The following FAR2 variants were observed in gnomAD, a reference collection of about 807,000 sequenced individuals.
FAR2 encodes the protein fatty acyl-CoA reductase 2.
A neutral mutation model predicts 56.0 loss-of-function variants in FAR2; 19 were observed. The ratio of observed to expected loss-of-function variants is 0.34; its 90% CI spans 0.24 to 0.50. The LOEUF is 0.50. FAR2 is among the 20% of genes least tolerant of loss of function. The pLI is 0.98. For missense variants in FAR2, 508 were observed against 642.2 expected, an observed-to-expected ratio of 0.79 and a Z score of 2.26; for synonymous variants, 219 against 218.8, an observed-to-expected ratio of 1.00 and a Z score of -0.01.
chr12:29,330,334 G>T (rs1167288459), intron 10 of FAR2, among the ~76,000 whole-genome samples: 1 of 152,178 alleles, frequency 6.6e-6, no homozygotes, highest in African/African-American at 2.4e-5. Context: ...TGAGATTACA[G>T]GCATGAGCCA....
rs1486545642 is a variant in FAR2 at position 29,272,360 on chromosome 12, G to T, written c.189+1722G>T. Among the ~76,000 whole-genome samples the T allele has an allele frequency of 2.6e-5, 4 of 151,892 alleles. No homozygotes were observed. The East Asian group carries it at 7.7e-4, about 29-fold the overall frequency. ...CATTCCTTTTTCTCTATTCTTGTCG[G>T]CATCTTATTTCAGTAAGGTGGTCTT... On this transcript the variant is annotated intron_variant, in intron 2 of 11. Coordinates refer to ENST00000536681, the MANE Select transcript of FAR2 (RefSeq NM_001271783.2).
At chr12:29,154,623 C>T (rs1330233606) in intron 1 of FAR2, among the ~76,000 whole-genome samples, 9 of 151,912 alleles carry the variant, frequency 5.9e-5, no homozygotes, top group African/African-American at 7.3e-5. Context: ...TTAGTAGAGA[C>T]GGGGTTTCAC....
At position 29,321,827 on chromosome 12, in the gene FAR2, C is replaced by A; in HGVS notation, c.1160C>A (p.Thr387Asn). ...MTKLMNRLLRTVSMLEYFINR... is the reference protein window; with the variant it reads ...MTKLMNRLLRNVSMLEYFINR... The stretch of plus-strand genomic sequence containing the variant: ...AAGCTCATGAATCGGCTTTTAAGAA[C>A]TGTTTCCATGTTGGAGTATTTCATC... The change falls in exon 10 of 12, where the codon ACT becomes AAT. Residue 387 changes from threonine (T) to asparagine (N), a missense_variant. Coordinates refer to ENST00000536681, the MANE Select transcript of FAR2 (RefSeq NM_001271783.2). 5 of 1,613,696 alleles carry A rather than the reference C, an allele frequency of 3.1e-6. No homozygotes were observed. The highest frequency in any genetic ancestry group is 4.2e-6 in the Non-Finnish European group (5 of 1,179,726).
At chr12:29,318,678 G>A (rs946211241) in intron 9 of FAR2, among the ~76,000 whole-genome samples, 2 of 152,164 alleles carry the variant, frequency 1.3e-5, no homozygotes, top group African/African-American at 4.8e-5. Flanking sequence ...TTTGCAGTAG[G>A]GGGGTATGTG....
chr12:29,296,931 A>T, intron 3 of FAR2, 90 bp from the exon 4 acceptor site: 1 of 1,233,606 alleles, frequency 8.1e-7, no homozygotes, highest in Non-Finnish European at 1.1e-6. Flanking sequence ...AAAATCTGAT[A>T]GGTATGCCAG....
chr12:29,314,729 G>A (rs1362317017), intron 8 of FAR2, among the ~76,000 whole-genome samples: 2 of 151,878 alleles, frequency 1.3e-5, no homozygotes, highest in African/African-American at 4.8e-5. Flanking sequence ...ATCATAAACT[G>A]TCCACACCTC....
At chr12:29,162,629 A>G (rs1178069889) in intron 1 of FAR2, among the ~76,000 whole-genome samples, 1 of 152,238 alleles carries the variant, frequency 6.6e-6, no homozygotes. Context: ...GATCCTAGAC[A>G]TAAGGGTTAT....
intron 1 of FAR2, among the ~76,000 whole-genome samples, chr12:29,226,856 T>C (rs1947776807): frequency 6.6e-6 from 1 of 152,118 alleles, no homozygotes; most frequent in South Asian, 2.1e-4. Context: ...TGTAATGGTA[T>C]TACACAAAAA....
At chr12:29,185,129 C>T (rs1173665237) in intron 1 of FAR2, among the ~76,000 whole-genome samples, 3 of 151,836 alleles carry the variant, frequency 2.0e-5, no homozygotes, top group African/African-American at 7.3e-5. Context: ...AATTCTCTGC[C>T]CTATTCTAAT....
intron 1 of FAR2, among the ~76,000 whole-genome samples, chr12:29,220,430 C>T (rs1947672407): frequency 6.6e-6 from 1 of 152,112 alleles, no homozygotes; most frequent in African/African-American, 2.4e-5. Flanking sequence ...GGAATTTGTG[C>T]TCTTAAATGA....
At chr12:29,182,618 C>A (rs1565684388) in intron 1 of FAR2, among the ~76,000 whole-genome samples, 1 of 152,172 alleles carries the variant, frequency 6.6e-6, no homozygotes, top group African/African-American at 2.4e-5. Flanking sequence ...CTGGCTTCAC[C>A]TCTCACTATC....
intron 1 of FAR2, among the ~76,000 whole-genome samples, chr12:29,209,254 T>C (rs1947514455): frequency 6.6e-6 from 1 of 152,192 alleles, no homozygotes; most frequent in African/African-American, 2.4e-5. Flanking sequence ...TCAGCAGTTA[T>C]TGCCTTTAGA....
chr12:29,295,245 T>G (rs756577248), intron 3 of FAR2, among the ~76,000 whole-genome samples: 45 of 152,146 alleles, frequency 3.0e-4, no homozygotes, highest in Non-Finnish European at 5.1e-4. Context: ...AGCTAATTTT[T>G]GTATTTTTGG....
At chr12:29,275,502 G>A (rs1948695343) in intron 2 of FAR2, among the ~76,000 whole-genome samples, 1 of 152,076 alleles carries the variant, frequency 6.6e-6, no homozygotes, top group Non-Finnish European at 1.5e-5. Flanking sequence ...TGGGTCAAAT[G>A]GTATTTCTAG....
At chr12:29,215,822 T>C (rs1285712213) in intron 1 of FAR2, among the ~76,000 whole-genome samples, 2 of 152,038 alleles carry the variant, frequency 1.3e-5, no homozygotes, top group African/African-American at 4.8e-5. Context: ...GAATATGTGA[T>C]ATGCACAAAT....
rs1193685169 is a variant in FAR2 at position 29,155,829 on chromosome 12, C to A, written c.-39+6422C>A. Among the ~76,000 whole-genome samples, 4 of 152,090 alleles carry A rather than the reference C, an allele frequency of 2.6e-5. No homozygotes were observed. In the East Asian group the frequency reaches 7.7e-4, roughly 29 times the overall value. On this transcript the variant is annotated intron_variant, in intron 1 of 11. Coordinates refer to ENST00000536681, the MANE Select transcript of FAR2 (RefSeq NM_001271783.2). ...GTCCTTTACAGAAAATGTTTGTTGA[C>A]CCCTGCTCTAAGGCTATGAAACTCA... is the stretch of plus-strand genomic sequence containing the variant.
chr12:29,175,480 T>C (rs1949929244), intron 1 of FAR2, among the ~76,000 whole-genome samples: 1 of 152,222 alleles, frequency 6.6e-6, no homozygotes, highest in African/African-American at 2.4e-5. Context: ...CAAGATTTAT[T>C]GTGAAGAGCT....
chr12:29,225,881 G>A (rs1271171176), intron 1 of FAR2, among the ~76,000 whole-genome samples: 1 of 152,208 alleles, frequency 6.6e-6, no homozygotes, highest in Non-Finnish European at 1.5e-5. Context: ...ATGTGAAGGT[G>A]AAAGTGCATG....
In FAR2 at chr12:29,309,170, ATCT is replaced by A. The variant is rs769030830; in HGVS notation, c.724-11_724-9del. The A allele has an allele frequency of 1.3e-5, 21 of 1,579,902 alleles. No individual in the cohort carries two copies. The highest frequency in any genetic ancestry group is 2.2e-5 in the East Asian group (1 of 44,546). ...TTTCTGAAATGTGTAACCAATAGAA[ATCT>A]TCTTTCTTTTAGGGTTGGGTTGATA... On this transcript the variant is annotated splice_polypyrimidine_tract_variant and intron_variant, in intron 5 of 11. Coordinates refer to ENST00000536681, the MANE Select transcript of FAR2 (RefSeq NM_001271783.2).
Sources: gnomAD v4.1 joint callset for allele counts (sites outside exome capture counted in the v4.1 genomes callset) on GRCh38, gnomAD v4.1.1 for gene constraint, MANE v1.5 for transcripts, NCBI Gene and HGNC (gene_info 2026-07-23, HGNC 2026-07-21) for gene names.